Variants in ANXA6 observed in about 807,000 individuals in gnomAD.
ANXA6 encodes annexin A6.
Under a neutral mutation model 95.4 loss-of-function variants are expected in ANXA6, and 71 were observed. The ratio of observed to expected loss-of-function variants is 0.74; its 90% CI spans 0.61 to 0.91. The LOEUF is 0.91. Among genes scored for constraint, ANXA6 ranks in the 40% least tolerant of loss-of-function variants. ANXA6 has a pLI of 0.00. For missense variants in ANXA6, 830 were observed against 876.4 expected (o/e 0.95, Z 0.67); for synonymous variants, 289 against 315.9 (o/e 0.91, Z 0.90).
chr5:151,122,799 G>C (rs1765206591), intron 16 of ANXA6, 118 bp downstream of exon 16: 4 of 822,434 alleles, frequency 4.9e-6, no homozygotes, highest in Non-Finnish European at 8.1e-6. Flanking sequence ...TGACCACACA[G>C]GGTCCCTCTG....
rs750222940 is a variant in ANXA6 at position 151,108,546 on chromosome 5, G to T, written c.1689C>A (p.Phe563Leu). 1.2e-6 allele frequency: 2 copies of T among 1,613,882 alleles called. No individual in the cohort carries two copies. Among genetic ancestry groups the T allele is most frequent in the East Asian group, 4.5e-5 (2 of 44,872 alleles). Reference sequence around the variant, plus strand: ...AGTTGGTCATCTTGATGAACTCCTGGAAGACTGGCCACAAGAGAAGCCCCA... The same window carrying T: ...AGTTGGTCATCTTGATGAACTCCTGTAAGACTGGCCACAAGAGAAGCCCCA... ...TRSYPHLRRVFQEFIKMTNYD... is the reference protein window; with the variant it reads ...TRSYPHLRRVLQEFIKMTNYD... Residue 563 changes from phenylalanine (F) to leucine (L), a missense_variant, in exon 23 of 26, where the codon TTC becomes TTA. By Grantham distance (22) the Phe-to-Leu change is conservative. Coordinates refer to ENST00000354546, the MANE Select transcript of ANXA6 (RefSeq NM_001155.5).
At chr5:151,156,796 A>G (rs1328781296) in intron 1 of ANXA6, among the ~76,000 whole-genome samples, 1 of 152,158 alleles carries the variant, frequency 6.6e-6, no homozygotes, top group Admixed American at 6.5e-5. Context: ...CAAACCTGCA[A>G]TCATTCCATA....
chr5:151,148,102 T>C (rs1220551935), intron 1 of ANXA6, among the ~76,000 whole-genome samples, 176 bp from the exon 2 acceptor site: 1 of 151,554 alleles, frequency 6.6e-6, no homozygotes, highest in Non-Finnish European at 1.5e-5. Context: ...ATGGACAGAC[T>C]AGATGGTGTC....
intron 20 of ANXA6, 37 bp downstream of exon 20, chr5:151,117,089 AC>A: frequency 6.5e-7 from 1 of 1,537,540 alleles, no homozygotes; most frequent in Admixed American, 1.9e-5. Context: ...TCTCAGGGAC[AC>A]CCGGCAGAGG....
Position 151,118,991 on chromosome 5 carries a change from G to A in ANXA6, c.1438+309C>T, listed in dbSNP as rs1765085808. Among the ~76,000 whole-genome samples the A allele has an allele frequency of 2.6e-5, 4 of 152,182 alleles. No individual in the cohort carries two copies. The South Asian group carries it at 8.3e-4, about 32-fold the overall frequency. On this transcript the variant is annotated intron_variant, in intron 18 of 25. Transcript: ENST00000354546. ...TTGCAACCAAGTGTGGGGCCCTTCT[G>A]GCTGTGGGGCCCTGTAGAACTGCAT...
chr5:151,122,830 A>G, intron 16 of ANXA6, 87 bp downstream of exon 16: 3 of 1,208,326 alleles, frequency 2.5e-6, no homozygotes, highest in Non-Finnish European at 3.7e-6. Context: ...CCTGGTGCCC[A>G]ACTGTGCAGA....
At chr5:151,131,735 A>G (rs922437941) in intron 10 of ANXA6, among the ~76,000 whole-genome samples, 5 of 152,126 alleles carry the variant, frequency 3.3e-5, no homozygotes, top group Admixed American at 2.0e-4. Context: ...TGGCTCTGGG[A>G]GGGACGATAA....
intron 8 of ANXA6, 165 bp from the exon 9 acceptor site, chr5:151,133,352 A>G (rs1273686220): frequency 1.7e-6 from 1 of 583,606 alleles, no homozygotes; most frequent in African/African-American, 1.9e-5. Flanking sequence ...TGATGGGGAT[A>G]CATTCTGAGA....
intron 5 of ANXA6, among the ~76,000 whole-genome samples, chr5:151,137,906 G>T (rs757553734): frequency 2.0e-5 from 3 of 152,144 alleles, no homozygotes; most frequent in Non-Finnish European, 4.4e-5. Context: ...AAACACAAAG[G>T]TTCTAGTTCT....
chr5:151,111,046 G>A (rs1009334312), intron 20 of ANXA6, among the ~76,000 whole-genome samples: 2 of 152,194 alleles, frequency 1.3e-5, no homozygotes, highest in African/African-American at 4.8e-5. Context: ...AATGTGAGCA[G>A]TGCAAAGTTC....
chr5:151,101,396 G>A lies in ANXA6; in HGVS notation c.*52C>T, dbSNP rs549836312. On this transcript the variant is annotated 3_prime_UTR_variant, in exon 26 of 26. Coordinates refer to ENST00000354546, the MANE Select transcript of ANXA6 (RefSeq NM_001155.5). ...TGGAACAATCAGGCTTGGCCATGGC[G>A]GCTGGTGCTGATAACCATTTCTTGG... 4.2e-5 allele frequency: 62 copies of A among 1,474,296 alleles called. No homozygotes were observed. The highest frequency in any genetic ancestry group is 5.0e-5 in the Non-Finnish European group (54 of 1,083,254). The allele number at this position is 1,474,296 out of a possible 1,614,324, so 91.3% of individuals were successfully genotyped here.
intron 17 of ANXA6, 39 bp downstream of exon 17, chr5:151,122,108 G>T: frequency 7.4e-7 from 1 of 1,360,296 alleles, no homozygotes; most frequent in Non-Finnish European, 1.0e-6. Context: ...ATCCCTATTG[G>T]CACCCGCAGA....
At chr5:151,122,102 C>T in intron 17 of ANXA6, 45 bp downstream of exon 17, 1 of 1,302,492 alleles carries the variant, frequency 7.7e-7, no homozygotes, top group Non-Finnish European at 1.1e-6. Flanking sequence ...ACCTGTATCC[C>T]TATTGGCACC....
At chr5:151,122,509 T>C (rs1490455785) in intron 16 of ANXA6, among the ~76,000 whole-genome samples, 1 of 152,226 alleles carries the variant, frequency 6.6e-6, no homozygotes, top group East Asian at 1.9e-4. Context: ...TGAAGGACAC[T>C]GTTTCCACTC....
At chr5:151,124,150 G>C in intron 15 of ANXA6, 136 bp downstream of exon 15, 1 of 752,376 alleles carries the variant, frequency 1.3e-6, no homozygotes, top group Non-Finnish European at 2.3e-6. Context: ...CTAGGAGGGT[G>C]GAAACTTGAG....
intron 2 of ANXA6, 128 bp downstream of exon 2, chr5:151,147,756 C>G: frequency 9.5e-7 from 1 of 1,050,942 alleles, no homozygotes; most frequent in East Asian, 2.6e-5. Flanking sequence ...CAAGCAAAGC[C>G]TAAGAACCTT....
At chr5:151,133,253 G>C in intron 8 of ANXA6, 66 bp from the exon 9 acceptor site, 1 of 1,173,642 alleles carries the variant, frequency 8.5e-7, no homozygotes, top group Non-Finnish European at 1.2e-6. Flanking sequence ...CACTGACCAA[G>C]CCACTCAGAA....
At chr5:151,108,591 G>A (rs372180797) in intron 22 of ANXA6, 41 bp from the exon 23 acceptor site, 56 of 1,579,162 alleles carry the variant, frequency 3.5e-5, no homozygotes, top group Non-Finnish European at 4.4e-5. Context: ...GTGAGCTTCA[G>A]TGCAGGAGGC....
At position 151,129,032 on chromosome 5, in the gene ANXA6, C is replaced by A. The variant is rs540187445; in HGVS notation, c.918+375G>T. ...GGGGCCGGATGTCCCAGAGTCATCA[C>A]CAATCACCCGGCCCAGGCCAAAGGT... On this transcript the variant is annotated intron_variant, in intron 12 of 25. Coordinates refer to ENST00000354546, the MANE Select transcript of ANXA6 (RefSeq NM_001155.5). Among the ~76,000 whole-genome samples, 508 of 152,126 alleles carry A rather than the reference C, an allele frequency of 3.3e-3. 5 individuals carry two copies. The highest frequency in any genetic ancestry group is 0.011 in the African/African-American group (471 of 41,494).
Sources: gnomAD v4.1 joint callset for allele counts (sites outside exome capture counted in the v4.1 genomes callset) on GRCh38, gnomAD v4.1.1 for gene constraint, MANE v1.5 for transcripts, NCBI Gene and HGNC (gene_info 2026-07-23, HGNC 2026-07-21) for gene names.